Variants in CNTN5 observed in about 807,000 individuals in gnomAD.
CNTN5 encodes the protein contactin 5.
A neutral mutation model predicts 129.1 loss-of-function variants in CNTN5; 77 were observed. That is an observed-to-expected ratio of 0.60 (90% CI 0.50 to 0.72). CNTN5 has a LOEUF of 0.72. Among genes scored for constraint, CNTN5 ranks in the 30% least tolerant of loss-of-function variants. The pLI is 0.00. For missense variants in CNTN5, 1,478 were observed against 1,328.8 expected (o/e 1.11, Z -1.75); for synonymous variants, 509 against 465.6 (o/e 1.09, Z -1.20).
At chr11:99,092,227 A>C (rs1280640326) in intron 1 of CNTN5, among the ~76,000 whole-genome samples, 1 of 152,156 alleles carries the variant, frequency 6.6e-6, no homozygotes, top group East Asian at 1.9e-4. Flanking sequence ...CTAACAATTT[A>C]TCTTAGAAAA....
intron 1 of CNTN5, among the ~76,000 whole-genome samples, chr11:99,109,142 TATC>T (rs1350918982): frequency 2.0e-5 from 3 of 151,538 alleles, no homozygotes; most frequent in Non-Finnish European, 4.4e-5. Flanking sequence ...TATACATATT[TATC>T]TTTTAGTATG....
At chr11:99,785,219 T>C (rs948282754) in intron 3 of CNTN5, among the ~76,000 whole-genome samples, 3 of 152,208 alleles carry the variant, frequency 2.0e-5, no homozygotes, top group Non-Finnish European at 4.4e-5. Context: ...GAGAAATGTC[T>C]GTTTGTATCC....
intron 13 of CNTN5, among the ~76,000 whole-genome samples, chr11:100,170,859 G>T (rs1361731730): frequency 1.3e-5 from 2 of 149,788 alleles, no homozygotes; most frequent in East Asian, 4.0e-4. Flanking sequence ...CTTTAAGATA[G>T]AAAAGAAATT....
intron 1 of CNTN5, among the ~76,000 whole-genome samples, chr11:99,266,148 T>G (rs1336989433): frequency 6.6e-6 from 1 of 152,098 alleles, no homozygotes; most frequent in African/African-American, 2.4e-5. Context: ...ACTGTATTCA[T>G]GAATTCAATT....
At chr11:99,036,527 C>T (rs978107955) in intron 1 of CNTN5, among the ~76,000 whole-genome samples, 1 of 152,002 alleles carries the variant, frequency 6.6e-6, no homozygotes, top group Non-Finnish European at 1.5e-5. Context: ...ATTTATTTCT[C>T]ATATGAAAAC....
intron 8 of CNTN5, among the ~76,000 whole-genome samples, chr11:99,990,197 G>T (rs1008443373): frequency 6.6e-6 from 1 of 152,066 alleles, no homozygotes; most frequent in Non-Finnish European, 1.5e-5. Flanking sequence ...TCAAATGATG[G>T]TGGAAAGACA....
chr11:100,142,690 T>C (rs921539911), intron 13 of CNTN5, among the ~76,000 whole-genome samples: 1 of 152,186 alleles, frequency 6.6e-6, no homozygotes, highest in African/African-American at 2.4e-5. Flanking sequence ...GACACAGATA[T>C]TCCTGGGATG....
intron 3 of CNTN5, among the ~76,000 whole-genome samples, chr11:99,769,362 A>T (rs1192854326): frequency 6.6e-6 from 1 of 152,102 alleles, no homozygotes; most frequent in Non-Finnish European, 1.5e-5. Flanking sequence ...GCTAGTGGTG[A>T]TTTAACACAA....
chr11:99,397,376 C>A (rs574327941), intron 2 of CNTN5, among the ~76,000 whole-genome samples: 13 of 151,726 alleles, frequency 8.6e-5, no homozygotes, highest in Non-Finnish European at 1.5e-4. Flanking sequence ...TTCTCCCATT[C>A]TGTAGTATAC....
intron 2 of CNTN5, among the ~76,000 whole-genome samples, chr11:99,503,379 C>G (rs2135388752): frequency 6.6e-6 from 1 of 152,306 alleles, no homozygotes; most frequent in African/African-American, 2.4e-5. Flanking sequence ...AGCAACGTGT[C>G]TGGGTAAAAG....
At chr11:99,460,500 T>A (rs1261308470) in intron 2 of CNTN5, among the ~76,000 whole-genome samples, 1 of 151,944 alleles carries the variant, frequency 6.6e-6, no homozygotes, top group Admixed American at 6.6e-5. Context: ...TAAGGAATAC[T>A]ACAAGGAATA....
In CNTN5 at chr11:99,890,725, A is replaced by T. The variant is rs191806393; in HGVS notation, c.578-25329A>T. On this transcript the variant is annotated intron_variant, in intron 6 of 24. Coordinates refer to ENST00000524871, the MANE Select transcript of CNTN5 (RefSeq NM_014361.4). ...GCTTAAGTGTGGCATGTACTTAGAG[A>T]TTTCCTTCCAAAGAATCAGCACGGA... Among the ~76,000 whole-genome samples, 234 of 152,244 alleles carry T rather than the reference A, an allele frequency of 1.5e-3. 3 individuals are homozygous for T. The highest frequency in any genetic ancestry group is 3.4e-3 in the Middle Eastern group (1 of 294).
intron 2 of CNTN5, among the ~76,000 whole-genome samples, chr11:99,544,549 A>C (rs1042584266): frequency 1.3e-5 from 2 of 152,234 alleles, no homozygotes; most frequent in African/African-American, 2.4e-5. Flanking sequence ...ATTATTTTAA[A>C]TGCTTGTTTC....
chr11:99,724,203 C>G (rs1320947867), intron 3 of CNTN5, among the ~76,000 whole-genome samples: 1 of 152,258 alleles, frequency 6.6e-6, no homozygotes, highest in South Asian at 2.1e-4. Flanking sequence ...CCTGCTTGTT[C>G]TTCAGGATCT....
intron 2 of CNTN5, among the ~76,000 whole-genome samples, chr11:99,462,009 A>G (rs548399374): frequency 4.1e-4 from 63 of 152,334 alleles, no homozygotes; most frequent in African/African-American, 1.5e-3. Context: ...AGTGATTAGT[A>G]GCCATTGAGT....
chr11:99,441,806 T>A (rs575079854), intron 2 of CNTN5, among the ~76,000 whole-genome samples: 40 of 152,328 alleles, frequency 2.6e-4, no homozygotes, highest in South Asian at 1.7e-3. Context: ...TCTTTTTTTT[T>A]AAATGCATTG....
chr11:100,351,257 G>A (rs963874725), intron 24 of CNTN5, among the ~76,000 whole-genome samples: 15 of 151,582 alleles, frequency 9.9e-5, no homozygotes, highest in African/African-American at 3.4e-4. Flanking sequence ...GGAATTTAAA[G>A]AGAAGCTTTT....
At chr11:99,398,378 G>T (rs933052671) in intron 2 of CNTN5, among the ~76,000 whole-genome samples, 14 of 151,832 alleles carry the variant, frequency 9.2e-5, no homozygotes, top group Middle Eastern at 3.4e-3. Flanking sequence ...TGAATTATTT[G>T]ATTTGCATAC....
In CNTN5 at chr11:99,475,477, T is replaced by A. The variant is rs9633958; in HGVS notation, c.-70-80668T>A. On this transcript the variant is annotated intron_variant, in intron 2 of 24. Transcript: ENST00000524871. Reference sequence around the variant, plus strand: ...TATTATCTGAAAACAGTCATTTATTTATTCAATAAATAGCTGCAGAGTACT... The same window carrying A: ...TATTATCTGAAAACAGTCATTTATTAATTCAATAAATAGCTGCAGAGTACT... Among the ~76,000 whole-genome samples the A allele has an allele frequency of 2.5e-3, 388 of 152,304 alleles. 4 individuals carry two copies. Among genetic ancestry groups the A allele is most frequent in the East Asian group, 0.013 (69 of 5,182 alleles).
Sources: gnomAD v4.1 joint callset for allele counts (sites outside exome capture counted in the v4.1 genomes callset) on GRCh38, gnomAD v4.1.1 for gene constraint, MANE v1.5 for transcripts, NCBI Gene and HGNC (gene_info 2026-07-23, HGNC 2026-07-21) for gene names.